Variants in ROCK2 observed in about 807,000 individuals in gnomAD.
ROCK2 encodes Rho associated coiled-coil containing protein kinase 2.
A neutral mutation model predicts 195.1 loss-of-function variants in ROCK2; 61 were observed. That is an observed-to-expected ratio of 0.31 (90% CI 0.25 to 0.39). The LOEUF (loss-of-function observed/expected upper bound fraction) is 0.39. ROCK2 is among the 10% of genes least tolerant of loss of function. The probability of loss-of-function intolerance (pLI) is 1.00; values close to 1 mark genes in which losing one functional copy is unlikely to be tolerated. For synonymous variants in ROCK2, 504 were observed against 545.5 expected (o/e 0.92, Z 1.06); for missense variants, 1,109 against 1,637.4 (o/e 0.68, Z 5.57).
intron 6 of ROCK2, among the ~76,000 whole-genome samples, chr2:11,226,196 C>A (rs1422195578): frequency 6.6e-6 from 1 of 152,192 alleles, no homozygotes; most frequent in Non-Finnish European, 1.5e-5. Context: ...CATCCCCATG[C>A]CACGTCACTG....
intron 1 of ROCK2, among the ~76,000 whole-genome samples, chr2:11,327,523 T>C (rs73175696): frequency 0.013 from 1,981 of 152,260 alleles, 33 homozygotes; most frequent in African/African-American, 0.039. Flanking sequence ...TGGGGAAAGA[T>C]TGTGAGCCAC....
chr2:11,205,578 G>A (rs1354804960), intron 20 of ROCK2, among the ~76,000 whole-genome samples: 4 of 148,932 alleles, frequency 2.7e-5, no homozygotes, highest in African/African-American at 9.9e-5. Flanking sequence ...CACTTCATAT[G>A]TAAATTCCCA....
At chr2:11,285,758 T>C (rs1332736924) in intron 3 of ROCK2, among the ~76,000 whole-genome samples, 1 of 151,834 alleles carries the variant, frequency 6.6e-6, no homozygotes, top group Non-Finnish European at 1.5e-5. Context: ...GCTTGAGAAG[T>C]CAAGACTGCA....
intron 1 of ROCK2, among the ~76,000 whole-genome samples, chr2:11,329,746 C>T (rs1239704695): frequency 6.6e-6 from 1 of 151,530 alleles, no homozygotes; most frequent in African/African-American, 2.4e-5. Flanking sequence ...ACAAAACTAT[C>T]AGCAAAATCC....
In ROCK2 at chr2:11,344,127, G is replaced by A. The variant is rs780887014; in HGVS notation, c.10C>T (p.Pro4Ser). The change falls in exon 1 of 33, where the codon CCC becomes TCC. Residue 4 changes from proline to serine, a missense_variant. Pro to Ser is a moderately conservative substitution (Grantham distance 74). Around this residue, in one of 6 missense-constraint regions of ROCK2, gnomAD observed 64 missense variants for 62.4 expected, o/e 1.03. Transcript: ENST00000315872. This position sits in a 1 kb window ranked among gnomAD's most constrained non-coding sequence, Gnocchi z 5.4. MSR[P>S]PPTGKMPGAP... is the part of the protein sequence containing the mutation. Reference sequence around the variant, plus strand: ...CCGGGCATTTTCCCCGTCGGCGGGGGCCGGCTCATGCCGCCACCGCTGGAC... The same window carrying A: ...CCGGGCATTTTCCCCGTCGGCGGGGACCGGCTCATGCCGCCACCGCTGGAC... 7 of 1,456,122 alleles carry A rather than the reference G, an allele frequency of 4.8e-6. No homozygotes were observed. The East Asian group carries it at 8.4e-5, about 18-fold the overall frequency. The allele number at this position is 1,456,122 out of a possible 1,614,324, so 90.2% of individuals were successfully genotyped here.
chr2:11,250,513 A>G (rs750442925), intron 3 of ROCK2, among the ~76,000 whole-genome samples: 13 of 152,360 alleles, frequency 8.5e-5, no homozygotes, highest in Non-Finnish European at 1.3e-4. Context: ...CATTTATTAG[A>G]TAAGTAACAA....
At chr2:11,189,865 T>G (rs1216260005) in intron 32 of ROCK2, among the ~76,000 whole-genome samples, 2 of 151,682 alleles carry the variant, frequency 1.3e-5, no homozygotes, top group Non-Finnish European at 2.9e-5. Flanking sequence ...ATGGTGCATG[T>G]ATGTGGTCCC....
intron 3 of ROCK2, among the ~76,000 whole-genome samples, chr2:11,256,986 G>A (rs992643542): frequency 1.3e-5 from 2 of 151,328 alleles, no homozygotes; most frequent in African/African-American, 4.9e-5. Flanking sequence ...GTAGGCTAGG[G>A]ACTCTCAGTA....
At chr2:11,242,768 C>T (rs1197470360) in intron 4 of ROCK2, among the ~76,000 whole-genome samples, 3 of 152,160 alleles carry the variant, frequency 2.0e-5, no homozygotes, top group Non-Finnish European at 4.4e-5. Context: ...TGTTATCATG[C>T]CATGTGTGTA....
At chr2:11,216,496 T>C (rs902155714) in intron 12 of ROCK2, among the ~76,000 whole-genome samples, 8 of 148,790 alleles carry the variant, frequency 5.4e-5, no homozygotes, top group African/African-American at 2.0e-4. Flanking sequence ...TAGCTCTCCA[T>C]TTCTTTCTTT....
At chr2:11,344,758 T>A (rs1371338423), upstream of ROCK2, among the ~76,000 whole-genome samples, 1 of 149,370 alleles carries the variant, frequency 6.7e-6, no homozygotes, top group Non-Finnish European at 1.5e-5. The surrounding 1 kb of genome is among the most constrained non-coding windows in gnomAD (Gnocchi z 5.4). Context: ...TCCCTTTCTT[T>A]CCCTTCCTGC....
At chr2:11,249,908 C>A in intron 3 of ROCK2, 110 bp from the exon 4 acceptor site, 2 of 875,792 alleles carry the variant, frequency 2.3e-6, no homozygotes, top group Non-Finnish European at 3.2e-6. Flanking sequence ...AAAAATGGTC[C>A]TTAGCTAATA....
At chr2:11,230,467 A>G (rs1439055193) in intron 5 of ROCK2, among the ~76,000 whole-genome samples, 1 of 152,162 alleles carries the variant, frequency 6.6e-6, no homozygotes, top group African/African-American at 2.4e-5. Flanking sequence ...ATCATAGTAC[A>G]GAAAGAACTA....
intron 4 of ROCK2, among the ~76,000 whole-genome samples, chr2:11,246,663 T>C (rs1472400920): frequency 6.6e-6 from 1 of 152,312 alleles, no homozygotes; most frequent in East Asian, 1.9e-4. Context: ...ATTTAACCTA[T>C]TACTGTGGCT....
chr2:11,204,203 G>T (rs2148048802), intron 20 of ROCK2, among the ~76,000 whole-genome samples: 1 of 151,964 alleles, frequency 6.6e-6, no homozygotes, highest in East Asian at 1.9e-4. Context: ...GATATTATTT[G>T]CCCATTCCCT....
At chr2:11,340,452 A>T (rs1669068233) in intron 1 of ROCK2, among the ~76,000 whole-genome samples, 1 of 152,032 alleles carries the variant, frequency 6.6e-6, no homozygotes, top group Non-Finnish European at 1.5e-5. Flanking sequence ...CCTTTTTTTT[A>T]AAACCTCCCT....
intron 1 of ROCK2, among the ~76,000 whole-genome samples, chr2:11,321,818 G>C (rs1668408751): frequency 1.3e-5 from 2 of 152,078 alleles, no homozygotes; most frequent in African/African-American, 2.4e-5. Context: ...TTTAAAAATA[G>C]ATAAATAGAT....
chr2:11,249,647 G>C lies in ROCK2; in HGVS notation c.462+14C>G, dbSNP rs763985565. 1 of 1,455,422 alleles carries C rather than the reference G, an allele frequency of 6.9e-7. No homozygotes were observed. Among genetic ancestry groups the C allele is most frequent in the African/African-American group, 1.4e-5 (1 of 69,374 alleles). The allele number at this position is 1,455,422 out of a possible 1,614,324, so 90.2% of individuals were successfully genotyped here. A position where few individuals can be genotyped will look rare whatever the true frequency, so the allele number is the denominator to read the frequency against. On this transcript the variant is annotated intron_variant, in intron 4 of 32. Transcript: ENST00000315872. ...AAAAAAAGGAAATAAACTTATAAAA[G>C]TTAGTATGCTTACCTGAACCACCCA... is the stretch of plus-strand genomic sequence containing the variant.
intron 1 of ROCK2, among the ~76,000 whole-genome samples, chr2:11,315,445 TA>T (rs1324207934): frequency 6.6e-6 from 1 of 151,874 alleles, no homozygotes; most frequent in Non-Finnish European, 1.5e-5. Flanking sequence ...AAAATTTTTT[TA>T]ATTAAATTAT....
Sources: allele counts gnomAD v4.1 joint callset (sites outside exome capture counted in the v4.1 genomes callset), GRCh38; gene constraint gnomAD v4.1.1; regional missense constraint gnomAD v4.1.1; non-coding constraint Gnocchi (gnomAD v3.1); transcripts MANE v1.5; gene names NCBI Gene and HGNC (gene_info 2026-07-23, HGNC 2026-07-21).